Variants in CFAP61 observed in about 807,000 individuals in gnomAD.
CFAP61 encodes the protein cilia- and flagella-associated protein 61.
A neutral mutation model predicts 135.6 loss-of-function variants in CFAP61; 107 were observed. The ratio of observed to expected loss-of-function variants is 0.79; its 90% CI spans 0.67 to 0.93. CFAP61 has a LOEUF of 0.93. Among genes scored for constraint, CFAP61 ranks in the 40% least tolerant of loss-of-function variants. The pLI is 0.00. For synonymous variants in CFAP61, 575 were observed against 578.5 expected (o/e 0.99, Z 0.09); for missense variants, 1,507 against 1,556.2 (o/e 0.97, Z 0.53).
At chr20:20,346,636 G>T (rs1179141219) in intron 26 of CFAP61, among the ~76,000 whole-genome samples, 2 of 152,110 alleles carry the variant, frequency 1.3e-5, no homozygotes, top group African/African-American at 2.4e-5. Context: ...TTATTTAGCT[G>T]CAGGCAAAGC....
At chr20:20,311,957 G>C (rs1320809412) in intron 25 of CFAP61, among the ~76,000 whole-genome samples, 1 of 152,176 alleles carries the variant, frequency 6.6e-6, no homozygotes, top group Non-Finnish European at 1.5e-5. Flanking sequence ...GGAATAATTA[G>C]TCCTAAACCA....
At chr20:20,199,252 T>G (rs75012462) in intron 16 of CFAP61, among the ~76,000 whole-genome samples, 13,136 of 152,244 alleles carry the variant, frequency 0.086, 731 homozygotes, top group Middle Eastern at 0.15. Flanking sequence ...TTGTTGTTGT[T>G]GTTGTTGTTG....
intron 2 of CFAP61, among the ~76,000 whole-genome samples, chr20:20,066,104 A>G (rs1600389561): frequency 6.6e-6 from 1 of 152,252 alleles, no homozygotes; most frequent in Non-Finnish European, 1.5e-5. Flanking sequence ...CATTAGAGAA[A>G]TGCAAATCAA....
intron 8 of CFAP61, among the ~76,000 whole-genome samples, chr20:20,118,778 A>G (rs1475407212): frequency 1.3e-5 from 2 of 152,036 alleles, no homozygotes; most frequent in African/African-American, 4.8e-5. Context: ...AATGGGATGT[A>G]TCACATTTAT....
intron 17 of CFAP61, among the ~76,000 whole-genome samples, chr20:20,217,372 G>A (rs2048106568): frequency 6.6e-6 from 1 of 152,184 alleles, no homozygotes; most frequent in African/African-American, 2.4e-5. Flanking sequence ...TGTGCATGGA[G>A]GCACACATTA....
At chr20:20,183,147 T>C (rs2055237679) in intron 13 of CFAP61, among the ~76,000 whole-genome samples, 1 of 49,302 alleles carries the variant, frequency 2.0e-5, no homozygotes. Context: ...GATTTTTTTT[T>C]CTTTTCTTTT....
intron 20 of CFAP61, among the ~76,000 whole-genome samples, chr20:20,257,517 A>G (rs1169771053): frequency 1.3e-5 from 2 of 151,616 alleles, no homozygotes; most frequent in Non-Finnish European, 2.9e-5. Flanking sequence ...TGGAAGGCTG[A>G]GGCAAAAGAA....
intron 17 of CFAP61, chr20:20,214,399 A>C (rs2099240957): frequency 6.6e-6 from 1 of 152,208 alleles, no homozygotes; most frequent in Admixed American, 6.5e-5. Context: ...AAATGGCAGG[A>C]GAATGGTCAC....
intron 9 of CFAP61, among the ~76,000 whole-genome samples, chr20:20,157,454 C>T (rs1013587648): frequency 2.6e-5 from 4 of 152,180 alleles, no homozygotes; most frequent in African/African-American, 7.2e-5. Flanking sequence ...TAGAATTAAA[C>T]AACTCAGAAA....
intron 8 of CFAP61, among the ~76,000 whole-genome samples, chr20:20,123,600 C>T (rs900914150): frequency 2.6e-5 from 4 of 151,704 alleles, no homozygotes; most frequent in Admixed American, 6.6e-5. Context: ...TTCCATTGGT[C>T]TATGTGCCGA....
intron 25 of CFAP61, among the ~76,000 whole-genome samples, chr20:20,336,400 T>G (rs1441187954): frequency 6.6e-6 from 1 of 152,066 alleles, no homozygotes; most frequent in African/African-American, 2.4e-5. Context: ...TTGGGAGGAT[T>G]ACTTGAGGCT....
At chr20:20,298,594 C>T (rs2055825856) in intron 25 of CFAP61, among the ~76,000 whole-genome samples, 1 of 152,182 alleles carries the variant, frequency 6.6e-6, no homozygotes, top group African/African-American at 2.4e-5. Context: ...CACCTGGCCC[C>T]CATGGCCACA....
At chr20:20,088,321 C>T (rs1447344395) in intron 6 of CFAP61, among the ~76,000 whole-genome samples, 1 of 152,108 alleles carries the variant, frequency 6.6e-6, no homozygotes, top group Non-Finnish European at 1.5e-5. Flanking sequence ...TAAGGACATA[C>T]CTGAGACTAG....
intron 16 of CFAP61, 52 bp downstream of exon 16, chr20:20,196,828 G>T: frequency 6.7e-7 from 1 of 1,487,104 alleles, no homozygotes; most frequent in Non-Finnish European, 9.4e-7. Flanking sequence ...TCACAGTGTT[G>T]TTGGTGTTGT....
At chr20:20,256,944 C>T (rs188134080) in intron 20 of CFAP61, among the ~76,000 whole-genome samples, 320 of 152,246 alleles carry the variant, frequency 2.1e-3, no homozygotes, top group Non-Finnish European at 3.6e-3. Flanking sequence ...TCTGCTCTTC[C>T]GATGCTTCAG....
intron 8 of CFAP61, among the ~76,000 whole-genome samples, chr20:20,125,746 A>G (rs1015977392): frequency 6.6e-6 from 1 of 151,712 alleles, no homozygotes; most frequent in African/African-American, 2.4e-5. Flanking sequence ...GTTCTAAGAT[A>G]TAGGTTAAAT....
At chr20:20,152,805 A>G (rs2146779172) in intron 9 of CFAP61, among the ~76,000 whole-genome samples, 1 of 152,304 alleles carries the variant, frequency 6.6e-6, no homozygotes, top group South Asian at 2.1e-4. Flanking sequence ...ACAGCCTGAG[A>G]CAGGACATCA....
Position 20,114,586 on chromosome 20 carries a change from T to C in CFAP61, c.859+15772T>C, listed in dbSNP as rs945988917. Among the ~76,000 whole-genome samples the C allele has an allele frequency of 3.3e-5, 5 of 152,208 alleles. No homozygotes were observed. The East Asian group carries it at 5.8e-4, about 18-fold the overall frequency. ...TTTTTCAAATTGTTCATGGCTGTTA[T>C]GTTGTAGTGGAATGGGCTTTTGTAT... On this transcript the variant is annotated intron_variant, in intron 8 of 26. Transcript: ENST00000245957.
chr20:20,243,983 G>A (rs1000057838), intron 18 of CFAP61, among the ~76,000 whole-genome samples: 2 of 152,180 alleles, frequency 1.3e-5, no homozygotes, highest in African/African-American at 4.8e-5. Flanking sequence ...AAATCCTAAA[G>A]CTTCAAAATG....
Sources: gnomAD v4.1 joint callset for allele counts (sites outside exome capture counted in the v4.1 genomes callset) on GRCh38, gnomAD v4.1.1 for gene constraint, MANE v1.5 for transcripts, NCBI Gene and HGNC (gene_info 2026-07-23, HGNC 2026-07-21) for gene names.